Variants in EML1 observed in about 807,000 individuals in gnomAD.
EML1 encodes the protein echinoderm microtubule-associated protein-like 1.
Under a neutral mutation model 110.4 loss-of-function variants are expected in EML1, and 27 were observed. The observed-to-expected ratio is 0.24, with a 90% CI of 0.18 to 0.34. The LOEUF (loss-of-function observed/expected upper bound fraction) is 0.34. EML1 is among the 10% of genes least tolerant of loss of function. The pLI is 1.00. For synonymous variants in EML1, 344 were observed against 385.8 expected (o/e 0.89, Z 1.27); for missense variants, 741 against 1,030.9 (o/e 0.72, Z 3.85).
intron 15 of EML1, among the ~76,000 whole-genome samples, chr14:99,916,741 A>G (rs573547531): frequency 6.6e-6 from 1 of 152,226 alleles, no homozygotes; most frequent in African/African-American, 2.4e-5. Flanking sequence ...CATCACTTTT[A>G]CTATATTACT....
chr14:99,793,363 A>G, upstream of EML1: 1 of 988,952 alleles, frequency 1.0e-6, no homozygotes, highest in Non-Finnish European at 1.2e-6. Flanking sequence ...AGCAGCCGCC[A>G]CAGCAGGGCC....
At chr14:99,756,010 G>A (rs1329510438) in intron 1 of EML1, among the ~76,000 whole-genome samples, 1 of 152,224 alleles carries the variant, frequency 6.6e-6, no homozygotes, top group Non-Finnish European at 1.5e-5. Flanking sequence ...ATGGCCACAC[G>A]TGTGGCCCAC....
Position 99,741,502 on chromosome 14 carries a change from C to G in EML1, c.28+3642C>G, listed in dbSNP as rs187569345. 3.2e-4 allele frequency among the ~76,000 whole-genome samples: 49 copies of G among 152,272 alleles called. No homozygotes were observed. In the East Asian group the frequency reaches 9.2e-3, roughly 29 times the overall value. On this transcript the variant is annotated intron_variant, in intron 1 of 10. Transcript: ENST00000554479. ...AGTACTTGGCTCTCCAAGTACCTCT[C>G]TCTGCCTGAAGTCAAGGATGGTTTT...
chr14:99,819,603 A>G (rs1373537031), intron 1 of EML1, among the ~76,000 whole-genome samples: 1 of 152,164 alleles, frequency 6.6e-6, no homozygotes, highest in African/African-American at 2.4e-5. Flanking sequence ...TTTAGACAAG[A>G]TCTGTTCCTT....
chr14:99,769,711 C>G (rs1283897309), upstream of EML1, among the ~76,000 whole-genome samples: 1 of 152,210 alleles, frequency 6.6e-6, no homozygotes, highest in Admixed American at 6.5e-5. Context: ...TCCAGATGTA[C>G]CTGCCTTTAA....
intron 2 of EML1, among the ~76,000 whole-genome samples, chr14:99,852,956 A>ATTTTAAGTATTTTAAGTAT (rs1344050416): frequency 6.6e-6 from 1 of 152,204 alleles, no homozygotes; most frequent in Non-Finnish European, 1.5e-5. Flanking sequence ...TTCTTGACCT[A>ATTTTAAGTATTTTAAGTAT]CCAGCTTTCC....
intron 8 of EML1, among the ~76,000 whole-genome samples, chr14:99,899,739 G>T (rs1258937954): frequency 1.3e-5 from 2 of 151,122 alleles, no homozygotes; most frequent in Non-Finnish European, 1.5e-5. Context: ...ATGTTAAATG[G>T]CTTTGAAAAA....
chr14:99,903,078 G>A (rs2059787591), intron 9 of EML1, among the ~76,000 whole-genome samples: 1 of 152,208 alleles, frequency 6.6e-6, no homozygotes, highest in Admixed American at 6.5e-5. Flanking sequence ...AAATTCTGGA[G>A]AGATCAGGTT....
intron 5 of EML1, among the ~76,000 whole-genome samples, chr14:99,892,859 C>T (rs969368825): frequency 6.6e-6 from 1 of 152,180 alleles, no homozygotes; most frequent in Non-Finnish European, 1.5e-5. Context: ...CTACATTCTG[C>T]GAGCTTTCTG....
rs1339924921 is a variant in EML1, at chr14:99,939,618, GC to G, written c.2322+294del. On this transcript the variant is annotated intron_variant, in intron 21 of 21. Transcript: ENST00000262233. This position sits in a 1 kb window ranked among gnomAD's most constrained non-coding sequence, Gnocchi z 4.2. ...GCTCCGGCCCTGCTCAGCCGCGCCA[GC>G]CCTGAGCCCTGGGACGCCCTTCTTC... Among the ~76,000 whole-genome samples, 1 of 152,124 alleles carries G rather than the reference GC, an allele frequency of 6.6e-6. No homozygotes were observed. Among genetic ancestry groups the G allele is most frequent in the East Asian group, 1.9e-4 (1 of 5,184 alleles).
chr14:99,914,890 T>C (rs1187537653), intron 15 of EML1, 193 bp downstream of exon 15: 1 of 710,100 alleles, frequency 1.4e-6, no homozygotes, highest in Non-Finnish European at 2.2e-6. Context: ...GCCTCAGCCA[T>C]GTAATTTTGA....
At chr14:99,832,354 C>T (rs1169323509) in intron 1 of EML1, among the ~76,000 whole-genome samples, 1 of 152,056 alleles carries the variant, frequency 6.6e-6, no homozygotes, top group African/African-American at 2.4e-5. Flanking sequence ...CATTTGTGTC[C>T]ATGTCTTTGT....
intron 1 of EML1, among the ~76,000 whole-genome samples, chr14:99,842,421 G>C (rs958059551): frequency 6.6e-6 from 1 of 151,992 alleles, no homozygotes; most frequent in Non-Finnish European, 1.5e-5. Flanking sequence ...TCTCCCAGTC[G>C]TATTCTTCAG....
rs560075386 is a variant in EML1 at position 99,831,745 on chromosome 14, A to C, written c.68-19108A>C. Among the ~76,000 whole-genome samples, 10 of 152,196 alleles carry C rather than the reference A, an allele frequency of 6.6e-5. No individual in the cohort carries two copies. In the East Asian group the frequency reaches 1.9e-3, roughly 29 times the overall value. On this transcript the variant is annotated intron_variant, in intron 1 of 21. Transcript: ENST00000262233. ...TTTCTTATTTTTAATATCCTGCCTC[A>C]TTCCATGAAGGATTTATGATATCTT...
Position 99,781,334 on chromosome 14 carries a change from T to C in EML1, c.-27+7321T>C, listed in dbSNP as rs1004916169. 1.3e-5 allele frequency among the ~76,000 whole-genome samples: 2 copies of C among 151,974 alleles called. No homozygotes were observed. The highest frequency in any genetic ancestry group is 4.8e-5 in the African/African-American group (2 of 41,360). ...TAAGGCCCTGCCCTTGCTCATGGGG[T>C]GTGCCTCCCATGCTGTATGGCATCC... On this transcript the variant is annotated intron_variant, in intron 1 of 22. Transcript: ENST00000327921. This position sits in a 1 kb window ranked among gnomAD's most constrained non-coding sequence, Gnocchi z 4.2.
At chr14:99,811,392 A>G (rs370082047) in intron 1 of EML1, among the ~76,000 whole-genome samples, 1 of 151,898 alleles carries the variant, frequency 6.6e-6, no homozygotes, top group Admixed American at 6.6e-5. Flanking sequence ...CTAACAGCTT[A>G]CTATTGACCG....
chr14:99,805,614 A>G (rs1442985638), intron 1 of EML1, among the ~76,000 whole-genome samples: 3 of 152,080 alleles, frequency 2.0e-5, no homozygotes, highest in Admixed American at 6.5e-5. Flanking sequence ...AGCTGGGACT[A>G]TAGGCACATG....
chr14:99,776,825 T>C (rs2057488126), intron 1 of EML1, among the ~76,000 whole-genome samples: 1 of 152,178 alleles, frequency 6.6e-6, no homozygotes, highest in Admixed American at 6.5e-5. Context: ...TAAGAAGACA[T>C]AGATTACATA....
At chr14:99,861,604 C>T (rs2059004291) in intron 2 of EML1, among the ~76,000 whole-genome samples, 1 of 152,144 alleles carries the variant, frequency 6.6e-6, no homozygotes, top group South Asian at 2.1e-4. Flanking sequence ...GCCTCAGCAT[C>T]CTTAGTAGCT....
Sources: gnomAD v4.1 joint callset for allele counts (sites outside exome capture counted in the v4.1 genomes callset) on GRCh38, gnomAD v4.1.1 for gene constraint, Gnocchi (gnomAD v3.1) non-coding constraint, MANE v1.5 for transcripts, NCBI Gene and HGNC (gene_info 2026-07-23, HGNC 2026-07-21) for gene names.